Variants in NINL observed in about 807,000 individuals in gnomAD.
NINL encodes the protein ninein-like protein.
NINL carries 153 observed loss-of-function variants against 160.3 expected under a neutral mutation model. The observed-to-expected ratio is 0.95, with a 90% CI of 0.84 to 1.09. NINL has a LOEUF of 1.09. Among genes scored for constraint, NINL ranks in the 50% least tolerant of loss-of-function variants. The pLI is 0.00. For missense variants in NINL, 1,829 were observed against 1,764.0 expected (o/e 1.04, Z -0.66); for synonymous variants, 800 against 734.8 (o/e 1.09, Z -1.43).
chr20:25,503,801 G>T, intron 7 of NINL, 151 bp downstream of exon 7: 1 of 882,422 alleles, frequency 1.1e-6, no homozygotes, highest in South Asian at 1.6e-5. Context: ...ACGTCACGTG[G>T]CCTCCCATAT....
At chr20:25,574,844 C>T (rs1285688455) in intron 1 of NINL, among the ~76,000 whole-genome samples, 1 of 152,066 alleles carries the variant, frequency 6.6e-6, no homozygotes, top group East Asian at 1.9e-4. Flanking sequence ...TAGGAGTCTT[C>T]TTTTTTCCCA....
At position 25,517,785 on chromosome 20, in the gene NINL, G is replaced by C. The variant is rs1416884366; in HGVS notation, c.245C>G (p.Pro82Arg). 6.2e-7 allele frequency: 1 copy of C among 1,607,114 alleles called. No homozygotes were observed. Among genetic ancestry groups the C allele is most frequent in the Non-Finnish European group, 8.5e-7 (1 of 1,178,188 alleles). Residue 82 changes from proline to arginine, a missense_variant, in exon 3 of 24, where the codon CCC (proline) becomes CGC (arginine). Pro to Arg is a moderately radical substitution (Grantham distance 103). Coordinates refer to ENST00000278886, the MANE Select transcript of NINL (RefSeq NM_025176.6). ...AVLSSNAGVR[P>R]SDEDSSSLES... The stretch of plus-strand genomic sequence containing the variant: ...CAAAGAACTACTGTCTTCATCTGAG[G>C]GGCGAACACCAGCATTTGAAGACAA...
intron 21 of NINL, chr20:25,459,066 C>T (rs1432014938): frequency 6.5e-6 from 1 of 152,988 alleles, no homozygotes; most frequent in East Asian, 1.9e-4. Context: ...ATGCCAGCCA[C>T]TTTAATGAAG....
intron 16 of NINL, among the ~76,000 whole-genome samples, chr20:25,478,338 AG>A (rs1199834558): frequency 6.6e-6 from 1 of 152,150 alleles, no homozygotes; most frequent in Non-Finnish European, 1.5e-5. Context: ...TGCTCTCCAC[AG>A]GACAGTGGGT....
chr20:25,476,845 G>A lies in NINL; in HGVS notation c.2446C>T (p.Arg816Ter), dbSNP rs145851710. 1,483 of 1,613,294 alleles carry A rather than the reference G, an allele frequency of 9.2e-4. 2 individuals are homozygous for A. The highest frequency in any genetic ancestry group is 1.2e-3 in the Non-Finnish European group (1,363 of 1,179,916). Residue 816 changes from arginine (R) to a stop codon, truncating the protein, a stop_gained, in exon 17 of 24, where the codon CGA becomes TGA. Transcript: ENST00000278886. LOFTEE classifies it high-confidence loss of function. ...GCTTCCAGGGAGGGCCCGTCCACTCGCTTCCCGCGGGCAAGCTCCAACTCC... is the reference window on the plus strand; with the variant it reads ...GCTTCCAGGGAGGGCCCGTCCACTCACTTCCCGCGGGCAAGCTCCAACTCC... ...EEELELARGK[R>*]VDGPSLEAEM...
At chr20:25,541,106 T>C (rs1263928463) in intron 1 of NINL, among the ~76,000 whole-genome samples, 1 of 152,192 alleles carries the variant, frequency 6.6e-6, no homozygotes, top group Non-Finnish European at 1.5e-5. Context: ...CTAGAACACC[T>C]TTCTGTGGTC....
In NINL at chr20:25,530,198, T is replaced by A. The variant is rs371670941; in HGVS notation, c.-11-3600A>T. ...ACTGCTTGGAACACAGGCTTTGAGATCATTTCTAAGTCTCTAGAACAGATG... is the reference window on the plus strand; with the variant it reads ...ACTGCTTGGAACACAGGCTTTGAGAACATTTCTAAGTCTCTAGAACAGATG... On this transcript the variant is annotated intron_variant, in intron 1 of 23. Transcript: ENST00000278886. 2.0e-5 allele frequency among the ~76,000 whole-genome samples: 3 copies of A among 152,310 alleles called. No homozygotes were observed. In the South Asian group the frequency reaches 6.2e-4, roughly 32 times the overall value.
Position 25,547,881 on chromosome 20 carries a change from G to A in NINL, c.-11-21283C>T, listed in dbSNP as rs147600018. 4.3e-4 allele frequency among the ~76,000 whole-genome samples: 65 copies of A among 152,296 alleles called. 1 individual carries two copies. The East Asian group carries it at 0.012, about 28-fold the overall frequency. On this transcript the variant is annotated intron_variant, in intron 1 of 23. Transcript: ENST00000278886. ...GAAATAAACCGGGGCAACCTCTACG[G>A]ACAGCAACTTGTCAGCATCAAAGTT...
intron 1 of NINL, among the ~76,000 whole-genome samples, chr20:25,563,235 C>T (rs2064965024): frequency 6.6e-6 from 1 of 152,196 alleles, no homozygotes; most frequent in African/African-American, 2.4e-5. Context: ...AAATTTGTAA[C>T]ACTGTCTGAA....
chr20:25,513,951 C>T (rs1489224776), intron 3 of NINL, among the ~76,000 whole-genome samples: 3 of 152,120 alleles, frequency 2.0e-5, no homozygotes, highest in Admixed American at 1.3e-4. Context: ...AATGTGAAAA[C>T]AGACTAATAC....
At chr20:25,490,027 C>T (rs754085628) in intron 11 of NINL, 42 bp from the exon 12 acceptor site, 24 of 1,541,100 alleles carry the variant, frequency 1.6e-5, no homozygotes, top group East Asian at 1.3e-4. Context: ...TCCTGCAGGA[C>T]GGAGGGGATG....
intron 1 of NINL, among the ~76,000 whole-genome samples, chr20:25,578,792 C>CAA: frequency 4.0e-5 from 1 of 24,764 alleles, no homozygotes. Context: ...GACTCCATCT[C>CAA]CAAAAAAAAA....
In NINL at chr20:25,453,397, G is replaced by A. The variant is rs2090579584; in HGVS notation, c.*54C>T. The A allele has an allele frequency of 6.7e-7, 1 of 1,499,148 alleles. No homozygotes were observed. 92.9% of individuals were successfully genotyped at this position (1,499,148 alleles called of 1,614,324 possible). A position where few individuals can be genotyped will look rare whatever the true frequency, so the allele number is the denominator to read the frequency against. ...GACCCACGGAATCTAAGGCAGCACA[G>A]TGGCTTAATTTAAAAGATGTGCTTT... On this transcript the variant is annotated 3_prime_UTR_variant, in exon 24 of 24. Transcript: ENST00000278886.
intron 1 of NINL, among the ~76,000 whole-genome samples, chr20:25,563,378 A>G (rs4280527): frequency 0.42 from 64,126 of 152,096 alleles, 14,403 homozygotes; most frequent in East Asian, 0.91. Flanking sequence ...TATGAATACC[A>G]TAATCCCTGC....
chr20:25,513,073 G>A, intron 3 of NINL, 67 bp from the exon 4 acceptor site: 1 of 1,506,066 alleles, frequency 6.6e-7, no homozygotes, highest in Non-Finnish European at 9.0e-7. Context: ...CAGGCCAGCA[G>A]GTACCCTCTG....
intron 8 of NINL, chr20:25,498,933 T>C (rs2063812907): frequency 7.1e-6 from 7 of 985,422 alleles, no homozygotes; most frequent in Non-Finnish European, 8.4e-6. Flanking sequence ...CAACAAAAAA[T>C]AGAGTCACAC....
intron 2 of NINL, 56 bp downstream of exon 2, chr20:25,526,352 A>G (rs950999807): frequency 1.3e-6 from 2 of 1,483,502 alleles, no homozygotes; most frequent in African/African-American, 2.8e-5. Context: ...AAATGCCCAT[A>G]AGAGCCAACT....
At chr20:25,544,227 T>G (rs1179375480) in intron 1 of NINL, among the ~76,000 whole-genome samples, 1 of 151,878 alleles carries the variant, frequency 6.6e-6, no homozygotes, top group Non-Finnish European at 1.5e-5. Context: ...TGACGATGAG[T>G]GGCCCCAGGC....
chr20:25,565,043 A>G (rs2064984873), intron 1 of NINL, among the ~76,000 whole-genome samples: 2 of 152,170 alleles, frequency 1.3e-5, no homozygotes, highest in African/African-American at 4.8e-5. Flanking sequence ...CTTTCAGGGT[A>G]GGGGCAGGAA....
Sources: allele counts gnomAD v4.1 joint callset (sites outside exome capture counted in the v4.1 genomes callset), GRCh38; gene constraint gnomAD v4.1.1; transcripts MANE v1.5; gene names NCBI Gene and HGNC (gene_info 2026-07-23, HGNC 2026-07-21).